GABPA: variants seen among roughly 807,000 people sequenced by gnomAD.
GABPA encodes the protein GA binding protein transcription factor subunit alpha, also known as GA-binding protein alpha chain.
In GABPA, 4 loss-of-function variants were observed where a neutral mutation model predicts 59.4. The ratio of observed to expected loss-of-function variants is 0.07; its 90% CI spans 0.03 to 0.15. The LOEUF (loss-of-function observed/expected upper bound fraction) is 0.15. GABPA is among the 10% of genes least tolerant of loss of function. The pLI is 1.00. For synonymous variants in GABPA, 164 were observed against 183.1 expected, an observed-to-expected ratio of 0.90 and a Z score of 0.84; for missense variants, 251 against 543.8, an observed-to-expected ratio of 0.46 and a Z score of 5.36.
At chr21:25,761,508 AG>A (rs1365623246) in intron 6 of GABPA, among the ~76,000 whole-genome samples, 2 of 152,136 alleles carry the variant, frequency 1.3e-5, no homozygotes, top group Admixed American at 1.3e-4. Context: ...GATCCTGGCA[AG>A]GCACCCTTAG....
chr21:25,746,008 ACTTTTTTTTTTT>A (rs1415990214), intron 3 of GABPA, among the ~76,000 whole-genome samples: 2 of 139,972 alleles, frequency 1.4e-5, no homozygotes, highest in African/African-American at 5.9e-5. Flanking sequence ...AGAGTTTTAT[ACTTTTTTTTTTT>A]CTTTTTTTTG....
intron 5 of GABPA, among the ~76,000 whole-genome samples, chr21:25,756,890 T>C (rs960071838): frequency 6.6e-6 from 1 of 152,162 alleles, no homozygotes; most frequent in East Asian, 1.9e-4. Flanking sequence ...TTAACAACTT[T>C]ATGGAAAAAT....
chr21:25,738,138 T>C (rs921888329), intron 1 of GABPA, among the ~76,000 whole-genome samples: 3 of 152,230 alleles, frequency 2.0e-5, no homozygotes, highest in Admixed American at 6.5e-5. Flanking sequence ...CACCTGTGTG[T>C]ACACCACATC....
chr21:25,758,533 A>C (rs1247362402), intron 6 of GABPA, among the ~76,000 whole-genome samples: 1 of 152,192 alleles, frequency 6.6e-6, no homozygotes, highest in Admixed American at 6.5e-5. Flanking sequence ...TGTGCCCTAC[A>C]CTTAGCCCTC....
Position 25,769,124 on chromosome 21 carries a change from A to G in GABPA, c.1257A>G (p.Thr419=), listed in dbSNP as rs141519478. 1 of 1,613,240 alleles carries G rather than the reference A, an allele frequency of 6.2e-7. No homozygotes were observed. Among genetic ancestry groups the G allele is most frequent in the South Asian group, 1.1e-5 (1 of 91,072 alleles). ...YSAAELNRLV[T]ECEQKKLAKM... ...CAGCGGAGTTGAACCGTTTGGTCAC[A>G]GAATGTGAACAGAAGAAACTTGCAA... Residue 419 remains threonine (T), a synonymous_variant, in exon 10 of 10, where the codon ACA becomes ACG. Coordinates refer to ENST00000400075, the MANE Select transcript of GABPA (RefSeq NM_002040.4).
intron 9 of GABPA, among the ~76,000 whole-genome samples, chr21:25,765,712 T>C (rs925213665): frequency 6.6e-6 from 1 of 151,950 alleles, no homozygotes; most frequent in African/African-American, 2.4e-5. Context: ...TCAAACACAT[T>C]GCCAACTGTC....
chr21:25,766,288 T>C (rs2035888144), intron 9 of GABPA, among the ~76,000 whole-genome samples: 1 of 151,972 alleles, frequency 6.6e-6, no homozygotes, highest in Non-Finnish European at 1.5e-5. Flanking sequence ...ATGTAGCTTG[T>C]AGCTCTACAT....
chr21:25,750,989 C>G (rs1017338551), intron 4 of GABPA, among the ~76,000 whole-genome samples: 1 of 151,996 alleles, frequency 6.6e-6, no homozygotes, highest in African/African-American at 2.4e-5. Context: ...CACAGAAGAT[C>G]GAAGTTGAGT....
Position 25,735,018 on chromosome 21 carries a change from C to T in GABPA, c.-587C>T. Reference sequence around the variant, plus strand: ...CAGGAAGCGTCTCGGAGACAGTCTGCGACCGGACGGGTCTAGGTGAGACAG... The same window carrying T: ...CAGGAAGCGTCTCGGAGACAGTCTGTGACCGGACGGGTCTAGGTGAGACAG... On this transcript the variant is annotated 5_prime_UTR_variant, in exon 1 of 10. Transcript: ENST00000400075. 9 of 1,520,884 alleles carry T rather than the reference C, an allele frequency of 5.9e-6. No homozygotes were observed. Among genetic ancestry groups the T allele is most frequent in the South Asian group, 3.6e-5 (3 of 83,666 alleles). The allele number at this position is 1,520,884 out of a possible 1,614,324, so 94.2% of individuals were successfully genotyped here. A position where few individuals can be genotyped will look rare whatever the true frequency, so the allele number is the denominator to read the frequency against.
chr21:25,760,696 C>G (rs184450551), intron 6 of GABPA, among the ~76,000 whole-genome samples: 3 of 152,202 alleles, frequency 2.0e-5, no homozygotes, highest in Admixed American at 2.0e-4. Flanking sequence ...TGTTTTATTC[C>G]TGTAGTGTCT....
chr21:25,757,642 A>G lies in GABPA; in HGVS notation c.554-368A>G, dbSNP rs554657048. Among the ~76,000 whole-genome samples, 14 of 152,256 alleles carry G rather than the reference A, an allele frequency of 9.2e-5. No homozygotes were observed. The East Asian group carries it at 2.7e-3, about 29-fold the overall frequency. ...AGAATCCCCTTTTGATTTTTTTTCA[A>G]TGCAACTGCAAATTTTTTTAAACTT... On this transcript the variant is annotated intron_variant, in intron 5 of 9. Transcript: ENST00000400075.
At position 25,770,086 on chromosome 21, in the gene GABPA, T is replaced by A. The variant is rs866431811; in HGVS notation, c.*854T>A. The stretch of plus-strand genomic sequence containing the variant: ...TTTGGTTTGTTATGGCTTCCTTTTT[T>A]AAAAAATTACCCTGTAGTGCCAGTT... On this transcript the variant is annotated 3_prime_UTR_variant, in exon 10 of 10. Coordinates refer to ENST00000400075, the MANE Select transcript of GABPA (RefSeq NM_002040.4). The A allele has an allele frequency of 6.6e-6, 1 of 152,598 alleles. No homozygotes were observed. Among genetic ancestry groups the A allele is most frequent in the Non-Finnish European group, 1.5e-5 (1 of 68,004 alleles). 9.5% of individuals were successfully genotyped at this position (152,598 alleles called of 1,614,324 possible). A position where few individuals can be genotyped will look rare whatever the true frequency, so the allele number is the denominator to read the frequency against.
intron 8 of GABPA, 113 bp from the exon 9 acceptor site, chr21:25,764,482 C>T: frequency 1.4e-6 from 2 of 1,440,962 alleles, no homozygotes; most frequent in African/African-American, 1.4e-5. Context: ...TCTAGAAAAA[C>T]AAAAATTGTT....
In GABPA at chr21:25,735,216, T is replaced by G; in HGVS notation, c.-389T>G. On this transcript the variant is annotated 5_prime_UTR_variant, in exon 1 of 10. Transcript: ENST00000400075. ...CCCCTAGTTCAAGCTCCCCTCCGAG[T>G]CAGCGTCCTGTTCGTTAGGGTTATC... The G allele has an allele frequency of 5.1e-6, 3 of 590,854 alleles. No homozygotes were observed. In the South Asian group the frequency reaches 6.0e-5, roughly 12 times the overall value. 36.6% of individuals were successfully genotyped at this position (590,854 alleles called of 1,614,324 possible).
At chr21:25,768,893 T>C (rs1183024004) in intron 9 of GABPA, 111 bp from the exon 10 acceptor site, 16 of 651,540 alleles carry the variant, frequency 2.5e-5, no homozygotes, top group Middle Eastern at 3.4e-4. Context: ...TTAATTGCTA[T>C]TGTGGCGGAT....
intron 3 of GABPA, among the ~76,000 whole-genome samples, chr21:25,745,894 A>T (rs913745855): frequency 6.6e-6 from 1 of 152,262 alleles, no homozygotes; most frequent in Non-Finnish European, 1.5e-5. Context: ...ATTTTACAGT[A>T]TGTTTTAAAG....
intron 5 of GABPA, among the ~76,000 whole-genome samples, chr21:25,757,162 A>G (rs942635551): frequency 1.3e-5 from 2 of 152,120 alleles, no homozygotes; most frequent in Non-Finnish European, 2.9e-5. Flanking sequence ...AACCAATATT[A>G]TTTGAATAGA....
At chr21:25,741,226 CA>C (rs749139566) in intron 1 of GABPA, among the ~76,000 whole-genome samples, 14 of 152,238 alleles carry the variant, frequency 9.2e-5, no homozygotes, top group South Asian at 4.1e-4. Flanking sequence ...CTCCTGGGCT[CA>C]GGTGATCCTC....
chr21:25,770,526 C>T lies in GABPA; in HGVS notation c.*1294C>T, dbSNP rs185031969. On this transcript the variant is annotated 3_prime_UTR_variant, in exon 10 of 10. Coordinates refer to ENST00000400075, the MANE Select transcript of GABPA (RefSeq NM_002040.4). The stretch of plus-strand genomic sequence containing the variant: ...TCTTTGTTGTTTAAGGTATTAAGCA[C>T]GAATTATTACATGAGACTGGCAGAT... The T allele has an allele frequency of 7.2e-5, 11 of 152,104 alleles. 1 individual carries two copies. The highest frequency in any genetic ancestry group is 2.4e-4 in the African/African-American group (10 of 41,550). The allele number at this position is 152,104 out of a possible 1,614,324, so 9.4% of individuals were successfully genotyped here.
Sources: allele counts gnomAD v4.1 joint callset (sites outside exome capture counted in the v4.1 genomes callset), GRCh38; gene constraint gnomAD v4.1.1; transcripts MANE v1.5; gene names NCBI Gene and HGNC (gene_info 2026-07-23, HGNC 2026-07-21).